Variants in COPG2 observed in about 807,000 individuals in gnomAD.
COPG2 encodes coat protein complex I subunit gamma 2.
A neutral mutation model predicts 46.3 loss-of-function variants in COPG2; 37 were observed. That is an observed-to-expected ratio of 0.80 (90% confidence interval 0.61 to 1.05). The LOEUF (loss-of-function observed/expected upper bound fraction) is 1.05, where lower values mean the gene tolerates loss of function less well. Among genes scored for constraint, COPG2 ranks in the 50% least tolerant of loss-of-function variants. The pLI is 0.00. For missense variants in COPG2, 427 were observed against 387.8 expected (o/e 1.10, Z -0.85); for synonymous variants, 159 against 129.7 (o/e 1.23, Z -1.53).
chr7:130,571,470 G>A (rs1793897691), intron 9 of COPG2, among the ~76,000 whole-genome samples: 1 of 152,044 alleles, frequency 6.6e-6, no homozygotes, highest in Non-Finnish European at 1.5e-5. Context: ...TAATGATCAG[G>A]GAAATGCAAA....
At chr7:130,610,662 C>T in intron 9 of COPG2, 1 of 565,088 alleles carries the variant, frequency 1.8e-6, no homozygotes, top group Non-Finnish European at 3.3e-6. Flanking sequence ...CTTAATGTCC[C>T]TGCCAACTTT....
At chr7:130,591,129 C>T (rs1554448775) in intron 9 of COPG2, among the ~76,000 whole-genome samples, 14 of 120,124 alleles carry the variant, frequency 1.2e-4, no homozygotes, top group African/African-American at 4.1e-4. Context: ...CTGCCCCGTC[C>T]GGAAGGGAGG....
intron 9 of COPG2, among the ~76,000 whole-genome samples, chr7:130,589,980 AT>A (rs1208307877): frequency 2.0e-5 from 3 of 152,118 alleles, no homozygotes; most frequent in African/African-American, 7.2e-5. Context: ...AACTTTATGT[AT>A]TTTTTAATCG....
At chr7:130,509,746 G>GTGT in intron 20 of COPG2, 1 of 519,234 alleles carries the variant, frequency 1.9e-6, no homozygotes, top group Non-Finnish European at 3.9e-6. Flanking sequence ...ATAAGTGTGT[G>GTGT]GGCTGTGTGT....
intron 4 of COPG2, among the ~76,000 whole-genome samples, chr7:130,661,615 G>A (rs1795982531): frequency 1.3e-5 from 2 of 152,134 alleles, no homozygotes; most frequent in Non-Finnish European, 2.9e-5. Context: ...ATGGTAAAGG[G>A]GCTACTAGTA....
rs1554446491 is a variant in COPG2 at position 130,577,788 on chromosome 7, AC to A, written c.738-13396del. ...GTCTCAAAAAAAAAAAAAAAAAAAAACAAAAAAAAAAAACAGCCCACCACGA... is the reference window on the plus strand; with the variant it reads ...GTCTCAAAAAAAAAAAAAAAAAAAAAAAAAAAAAAAAACAGCCCACCACGA... On this transcript the variant is annotated intron_variant, in intron 9 of 23. Transcript: ENST00000425248. 2.3e-4 allele frequency among the ~76,000 whole-genome samples: 34 copies of A among 146,248 alleles called. 1 individual carries two copies. The South Asian group carries it at 2.4e-3, about 10-fold the overall frequency.
chr7:130,634,613 G>A (rs10234416), intron 5 of COPG2, among the ~76,000 whole-genome samples: 22,181 of 152,078 alleles, frequency 0.15, 2,974 homozygotes, highest in African/African-American at 0.36. Context: ...AGGAGATTTC[G>A]GGCTGAGATG....
chr7:130,607,453 A>G (rs1554451434), intron 9 of COPG2: 1 of 445,398 alleles, frequency 2.2e-6, no homozygotes, highest in Non-Finnish European at 4.5e-6. Flanking sequence ...AAACATTGTA[A>G]TGATATACTG....
chr7:130,639,592 G>A (rs1295888986), intron 5 of COPG2, among the ~76,000 whole-genome samples: 1 of 152,114 alleles, frequency 6.6e-6, no homozygotes, highest in African/African-American at 2.4e-5. Context: ...AAAGCCTCTG[G>A]GGACTACTGA....
At chr7:130,644,033 T>G (rs1224357061) in intron 5 of COPG2, among the ~76,000 whole-genome samples, 1 of 152,154 alleles carries the variant, frequency 6.6e-6, no homozygotes, top group African/African-American at 2.4e-5. Flanking sequence ...AAAAACAACT[T>G]TGGCAGTTTG....
rs1347606297 is a variant in COPG2, at chr7:130,552,400, G to A, written c.1499C>T (p.Ala500Val). 5 of 397,954 alleles carry A rather than the reference G, an allele frequency of 1.3e-5. No individual in the cohort carries two copies. The highest frequency in any genetic ancestry group is 2.1e-5 in the African/African-American group (1 of 48,454). 24.7% of individuals were successfully genotyped at this position (397,954 alleles called of 1,614,324 possible). A position where few individuals can be genotyped will look rare whatever the true frequency, so the allele number is the denominator to read the frequency against. The change falls in exon 15 of 24, where the codon GCT (alanine) becomes GTT (valine). Residue 500 changes from alanine (A) to valine (V), a missense_variant. Ala to Val is a moderately conservative substitution (Grantham distance 64). Transcript: ENST00000425248. ...AAVSALAKFG[A>V]QNESLLPSIL... ...GCTTGGGAGAAGACTCTCATTCTGA[G>A]CCCCAAATTTAGCCAAAGCACTCAC...
chr7:130,617,453 A>T (rs1794969545), intron 5 of COPG2, among the ~76,000 whole-genome samples: 1 of 152,240 alleles, frequency 6.6e-6, no homozygotes, highest in Non-Finnish European at 1.5e-5. Flanking sequence ...CTAAAATCCC[A>T]TCAGACTAGA....
chr7:130,554,209 A>G (rs1793580913), intron 14 of COPG2, among the ~76,000 whole-genome samples: 1 of 152,172 alleles, frequency 6.6e-6, no homozygotes, highest in Non-Finnish European at 1.5e-5. Context: ...CACATAAACA[A>G]ATTCTACAAA....
intron 5 of COPG2, among the ~76,000 whole-genome samples, chr7:130,619,787 T>C (rs1289996444): frequency 2.0e-5 from 3 of 152,250 alleles, no homozygotes; most frequent in African/African-American, 2.4e-5. Flanking sequence ...TTGTTGTCCC[T>C]GTACTTGAAT....
At chr7:130,577,913 G>A (rs1182807886) in intron 9 of COPG2, among the ~76,000 whole-genome samples, 1 of 151,916 alleles carries the variant, frequency 6.6e-6, no homozygotes, top group Non-Finnish European at 1.5e-5. Flanking sequence ...CGGCAGCGAG[G>A]CTGGGGGAGG....
At chr7:130,541,177 G>C (rs1740155978) in intron 20 of COPG2, among the ~76,000 whole-genome samples, 1 of 152,150 alleles carries the variant, frequency 6.6e-6, no homozygotes, top group Non-Finnish European at 1.5e-5. Flanking sequence ...CGAGCAGATG[G>C]ATGTAGCCGA....
intron 5 of COPG2, among the ~76,000 whole-genome samples, chr7:130,627,116 C>T (rs1554454393): frequency 2.0e-5 from 3 of 152,148 alleles, no homozygotes; most frequent in African/African-American, 7.2e-5. Context: ...TTCTATTGTG[C>T]TTAAATCTTT....
chr7:130,661,017 G>C (rs920360757), intron 4 of COPG2, among the ~76,000 whole-genome samples: 2 of 152,176 alleles, frequency 1.3e-5, no homozygotes, highest in Non-Finnish European at 2.9e-5. Context: ...TAAGCCTTCA[G>C]TGCTTTAACC....
chr7:130,599,577 C>T (rs1794596753), intron 9 of COPG2, among the ~76,000 whole-genome samples: 1 of 151,926 alleles, frequency 6.6e-6, no homozygotes, highest in Admixed American at 6.6e-5. Flanking sequence ...TTGAGTATGC[C>T]CACACTCCCC....
Sources: allele counts gnomAD v4.1 joint callset (sites outside exome capture counted in the v4.1 genomes callset), GRCh38; gene constraint gnomAD v4.1.1; transcripts MANE v1.5; gene names NCBI Gene and HGNC (gene_info 2026-07-23, HGNC 2026-07-21).